The following ANK3 variants were observed in gnomAD, a reference collection of about 807,000 sequenced individuals.
The protein encoded by ANK3 is ankyrin-3.
In ANK3, 57 loss-of-function variants were observed where a neutral mutation model predicts 370.9. That is an observed-to-expected ratio of 0.15 (90% confidence interval 0.12 to 0.19). The LOEUF (loss-of-function observed/expected upper bound fraction) is 0.19, where lower values mean the gene tolerates loss of function less well. Among genes scored for constraint, ANK3 ranks in the 10% least tolerant of loss-of-function variants. ANK3 has a pLI of 1.00. For synonymous variants in ANK3, 1,929 were observed against 1,946.3 expected, an observed-to-expected ratio of 0.99 and a Z score of 0.23; for missense variants, 4,439 against 5,302.1, an observed-to-expected ratio of 0.84 and a Z score of 5.06.
intron 2 of ANK3, among the ~76,000 whole-genome samples, chr10:60,465,894 T>G (rs185838976): frequency 6.6e-6 from 1 of 151,734 alleles, no homozygotes; most frequent in Non-Finnish European, 1.5e-5. Flanking sequence ...TTTCTGGCTA[T>G]AGTAGAAACC....
At chr10:60,271,616 C>T (rs1028256072) in intron 4 of ANK3, among the ~76,000 whole-genome samples, 2 of 152,092 alleles carry the variant, frequency 1.3e-5, no homozygotes, top group African/African-American at 2.4e-5. Flanking sequence ...TAAATATATT[C>T]TAAACTACAA....
chr10:60,466,321 T>C (rs1029615189), intron 2 of ANK3, among the ~76,000 whole-genome samples: 3 of 152,110 alleles, frequency 2.0e-5, no homozygotes, highest in African/African-American at 4.8e-5. Flanking sequence ...TTTCTAATAA[T>C]GACAAGGAAA....
chr10:60,424,169 A>T (rs1203428876), intron 2 of ANK3, among the ~76,000 whole-genome samples: 1 of 151,970 alleles, frequency 6.6e-6, no homozygotes, highest in African/African-American at 2.4e-5. Flanking sequence ...TAGGGTGACC[A>T]CACATCCTGG....
chr10:60,547,180 T>C (rs891131199), intron 2 of ANK3, among the ~76,000 whole-genome samples: 14 of 140,512 alleles, frequency 1.0e-4, no homozygotes, highest in Non-Finnish European at 1.7e-4. Flanking sequence ...AACCTCCACC[T>C]CCTGGGCTCA....
chr10:60,129,825 T>C (rs911123920), intron 25 of ANK3, among the ~76,000 whole-genome samples: 2 of 152,124 alleles, frequency 1.3e-5, no homozygotes, highest in African/African-American at 2.4e-5. Context: ...GATTGAGCCA[T>C]TGCTTTAAAT....
chr10:60,347,563 C>T (rs781429980), intron 1 of ANK3, among the ~76,000 whole-genome samples: 8 of 151,968 alleles, frequency 5.3e-5, no homozygotes, highest in Non-Finnish European at 7.4e-5. Context: ...AAATATCCTA[C>T]AGGGTTGTTT....
intron 12 of ANK3, among the ~76,000 whole-genome samples, chr10:60,201,400 T>A (rs1364663190): frequency 6.6e-6 from 1 of 152,202 alleles, no homozygotes; most frequent in East Asian, 1.9e-4. Flanking sequence ...TGGTGCTTGT[T>A]TTATTGTTAC....
chr10:60,284,629 T>C (rs1158310345), intron 1 of ANK3, among the ~76,000 whole-genome samples: 2 of 152,134 alleles, frequency 1.3e-5, no homozygotes, highest in East Asian at 3.9e-4. Flanking sequence ...TCCATTGAAT[T>C]AACTATTTTA....
At chr10:60,447,756 G>A (rs2064487838) in intron 2 of ANK3, among the ~76,000 whole-genome samples, 1 of 152,118 alleles carries the variant, frequency 6.6e-6, no homozygotes, top group South Asian at 2.1e-4. Flanking sequence ...TACTGAAATG[G>A]GATGGCCTAA....
At chr10:60,083,284 T>G (rs948424023) in intron 33 of ANK3, among the ~76,000 whole-genome samples, 1 of 152,240 alleles carries the variant, frequency 6.6e-6, no homozygotes, top group South Asian at 2.1e-4. Context: ...GTTATTAAAC[T>G]CTTTGAAAAA....
intron 2 of ANK3, among the ~76,000 whole-genome samples, chr10:60,443,230 T>TTA (rs751585960): frequency 4.5e-4 from 69 of 152,226 alleles, no homozygotes; most frequent in Non-Finnish European, 7.6e-4. Context: ...AAGAGGAAGG[T>TTA]TAGTTTAAGC....
At chr10:60,378,295 G>A (rs964622523) in intron 1 of ANK3, among the ~76,000 whole-genome samples, 7 of 152,078 alleles carry the variant, frequency 4.6e-5, no homozygotes, top group African/African-American at 1.2e-4. Context: ...CTAAAAATTA[G>A]TCTGTTTTAA....
intron 2 of ANK3, among the ~76,000 whole-genome samples, chr10:60,519,711 T>C (rs1407844900): frequency 6.6e-6 from 1 of 152,154 alleles, no homozygotes; most frequent in Non-Finnish European, 1.5e-5. Flanking sequence ...TTCTAGATAC[T>C]GGGGACACTG....
exon 1 of ANK3, chr10:60,733,314 G>A (rs1405250636): frequency 3.4e-5 from 42 of 1,235,134 alleles, no homozygotes; most frequent in Non-Finnish European, 3.9e-5. Flanking sequence ...AGGCGGAGGA[G>A]GCCATGTTGT....
At chr10:60,346,960 AAG>A (rs10565815) in intron 1 of ANK3, among the ~76,000 whole-genome samples, 104,393 of 149,816 alleles carry the variant, frequency 0.7, 37,642 homozygotes, top group South Asian at 0.91. Flanking sequence ...TTTCATACAT[AAG>A]AGTCTTTTAA....
At chr10:60,727,001 C>T (rs2079950607) in intron 1 of ANK3, among the ~76,000 whole-genome samples, 1 of 152,072 alleles carries the variant, frequency 6.6e-6, no homozygotes, top group Non-Finnish European at 1.5e-5. Context: ...TTTTCCTCTA[C>T]CCTACCATTC....
At chr10:60,068,255 GT>G (rs2082019258) in intron 37 of ANK3, among the ~76,000 whole-genome samples, 1 of 152,184 alleles carries the variant, frequency 6.6e-6, no homozygotes, top group Admixed American at 6.5e-5. Flanking sequence ...GAGCTAGCTA[GT>G]TTAAACAGTT....
At chr10:60,182,028 C>T (rs920694450) in intron 17 of ANK3, among the ~76,000 whole-genome samples, 5 of 151,882 alleles carry the variant, frequency 3.3e-5, no homozygotes, top group Admixed American at 2.6e-4. Flanking sequence ...CAAATCTAGA[C>T]ACTATAACAT....
rs1047313137 is a variant in ANK3 at position 60,708,613 on chromosome 10, C to T, written c.57+24650G>A. On this transcript the variant is annotated intron_variant, in intron 1 of 43. Coordinates refer to the ANK3 transcript ENST00000373827. Reference sequence around the variant, plus strand: ...TTTCCTTAATAAAGAGTTTCCTCAACGGAATCTGATTTGCCAGAGCCTAAC... The same window carrying T: ...TTTCCTTAATAAAGAGTTTCCTCAATGGAATCTGATTTGCCAGAGCCTAAC... Among the ~76,000 whole-genome samples, 10 of 152,276 alleles carry T rather than the reference C, an allele frequency of 6.6e-5. No homozygotes were observed. The South Asian group carries it at 8.3e-4, about 13-fold the overall frequency.
Sources: gnomAD v4.1 joint callset for allele counts (sites outside exome capture counted in the v4.1 genomes callset) on GRCh38, gnomAD v4.1.1 for gene constraint, MANE v1.5 for transcripts, NCBI Gene and HGNC (gene_info 2026-07-23, HGNC 2026-07-21) for gene names.